The following FES variants were observed in gnomAD, a reference collection of about 807,000 sequenced individuals.
FES encodes FES proto-oncogene, tyrosine kinase, also known as tyrosine-protein kinase Fes/Fps.
FES carries 83 observed loss-of-function variants against 109.6 expected under a neutral mutation model. That is an observed-to-expected ratio of 0.76 (90% confidence interval 0.63 to 0.91). The LOEUF is 0.91. Among genes scored for constraint, FES ranks in the 40% least tolerant of loss-of-function variants. The probability of loss-of-function intolerance (pLI) is 0.00; values close to 1 mark genes in which losing one functional copy is unlikely to be tolerated. For missense variants in FES, 943 were observed against 1,070.9 expected (o/e 0.88, Z 1.67); for synonymous variants, 458 against 442.1 (o/e 1.04, Z -0.45).
rs560847197 is a variant in FES, at chr15:90,885,354, G to A, written c.214-58G>A. On this transcript the variant is annotated intron_variant, in intron 2 of 18. Coordinates refer to ENST00000328850, the MANE Select transcript of FES (RefSeq NM_002005.4). Reference sequence around the variant, plus strand: ...GGGGCAGTGGCTGGAGATCTGGCAGGCCAATGCTTGGGAGCCATTGTGCCC... The same window carrying A: ...GGGGCAGTGGCTGGAGATCTGGCAGACCAATGCTTGGGAGCCATTGTGCCC... The A allele has an allele frequency of 2.4e-5, 39 of 1,596,906 alleles. No homozygotes were observed. In the African/African-American group the frequency reaches 4.8e-4, roughly 20 times the overall value.
At chr15:90,886,292 T>C (rs2032614986) in intron 3 of FES, among the ~76,000 whole-genome samples, 1 of 152,394 alleles carries the variant, frequency 6.6e-6, no homozygotes, top group African/African-American at 2.4e-5. Context: ...TATGCCCTTT[T>C]GTTTTCATAT....
At chr15:90,885,634 C>T (rs773572605) in intron 3 of FES, 49 bp downstream of exon 3, 2 of 1,582,598 alleles carry the variant, frequency 1.3e-6, no homozygotes, top group Non-Finnish European at 1.7e-6. Flanking sequence ...AAATTTTGAG[C>T]CTCGAAGGGG....
chr15:90,891,357 A>G, intron 11 of FES, 166 bp downstream of exon 11: 1 of 1,050,926 alleles, frequency 9.5e-7, no homozygotes, highest in Non-Finnish European at 1.4e-6. Context: ...CCTGCAACAA[A>G]ATAGAGGCTT....
intron 3 of FES, among the ~76,000 whole-genome samples, chr15:90,885,829 C>G (rs760674877): frequency 2.0e-5 from 3 of 152,154 alleles, no homozygotes; most frequent in Non-Finnish European, 2.9e-5. Flanking sequence ...GATGAGTGAC[C>G]GGTCACGTGC....
intron 5 of FES, among the ~76,000 whole-genome samples, chr15:90,888,855 G>A (rs375371166): frequency 6.6e-6 from 1 of 151,748 alleles, no homozygotes; most frequent in African/African-American, 2.4e-5. Context: ...TTGGCTCACT[G>A]CAACCTCCAC....
chr15:90,887,464 G>T, intron 5 of FES, 94 bp downstream of exon 5: 1 of 1,349,434 alleles, frequency 7.4e-7, no homozygotes, highest in South Asian at 1.5e-5. Flanking sequence ...ATCCATTGCT[G>T]GGAAGGTGCT....
chr15:90,885,139 A>C lies in FES; in HGVS notation c.94A>C (p.Lys32Gln). 3 of 1,614,016 alleles carry C rather than the reference A, an allele frequency of 1.9e-6. No individual in the cohort carries two copies. The highest frequency in any genetic ancestry group is 2.5e-6 in the Non-Finnish European group (3 of 1,180,022). Residue 32 changes from lysine (K) to glutamine (Q), a missense_variant, in exon 2 of 19, where the codon AAG (lysine) becomes CAG (glutamine). Transcript: ENST00000328850. ...GCTTCGTCTACTGGAGGGCATGAGA[A>C]AGTGGATGGCCCAGCGGGTCAAGAG... Reference protein sequence around the residue: ...AELRLLEGMRKWMAQRVKSDR... With the variant: ...AELRLLEGMRQWMAQRVKSDR...
At position 90,890,200 on chromosome 15, in the gene FES, C is replaced by T; in HGVS notation, c.1158C>T (p.Thr386=). The part of the protein sequence containing the change: ...KLQAQQELLQ[T]KLEHLGPGEP... The stretch of plus-strand genomic sequence containing the variant: ...AGGCCCAGCAGGAGTTGCTGCAGAC[C>T]AAGCTGGAGCACCTGGGCCCCGGCG... The change falls in exon 9 of 19, where the codon ACC becomes ACT. Residue 386 remains threonine, a synonymous_variant. Coordinates refer to ENST00000328850, the MANE Select transcript of FES (RefSeq NM_002005.4). The T allele has an allele frequency of 6.2e-7, 1 of 1,601,916 alleles. No homozygotes were observed. The highest frequency in any genetic ancestry group is 2.2e-5 in the East Asian group (1 of 44,754).
chr15:90,885,825 T>A (rs2032555406), intron 3 of FES, among the ~76,000 whole-genome samples: 1 of 152,072 alleles, frequency 6.6e-6, no homozygotes, highest in Non-Finnish European at 1.5e-5. Context: ...TAAGGATGAG[T>A]GACCGGTCAC....
rs774699246 is a variant in FES at position 90,889,236 on chromosome 15, C to A, written c.669-70C>A. On this transcript the variant is annotated intron_variant, in intron 5 of 18. Transcript: ENST00000328850. This position sits in a 1 kb window ranked among gnomAD's most constrained non-coding sequence, Gnocchi z 6.1. Reference sequence around the variant, plus strand: ...CCAGCCCTGACTCCAAACCCAGGGTCCTAGGCCTGAACTGCCCAGCCTTGC... The same window carrying A: ...CCAGCCCTGACTCCAAACCCAGGGTACTAGGCCTGAACTGCCCAGCCTTGC... The A allele has an allele frequency of 2.8e-5, 44 of 1,588,210 alleles. No homozygotes were observed. The highest frequency in any genetic ancestry group is 3.5e-5 in the Non-Finnish European group (41 of 1,167,766).
rs1378976563 is a variant in FES, at chr15:90,885,236, G to T, written c.191G>T (p.Ser64Ile). 2.5e-6 allele frequency: 4 copies of T among 1,612,844 alleles called. No homozygotes were observed. Among genetic ancestry groups the T allele is most frequent in the Middle Eastern group, 1.6e-4 (1 of 6,082 alleles). ...AGTGGGGGCCAGAGCCGGGCCATCA[G>T]CCCTGACAGCCCCATCAGTCAGGTG... ...QDSGGQSRAI[S>I]PDSPISQSWA... Residue 64 changes from serine to isoleucine, a missense_variant, in exon 2 of 19, where the codon AGC becomes ATC. Coordinates refer to ENST00000328850, the MANE Select transcript of FES (RefSeq NM_002005.4).
Position 90,893,959 on chromosome 15 carries a change from G to A in FES, c.2227G>A (p.Val743Met), listed in dbSNP as rs777940619. 18 of 1,613,704 alleles carry A rather than the reference G, an allele frequency of 1.1e-5. No homozygotes were observed. Among genetic ancestry groups the A allele is most frequent in the Admixed American group, 1.0e-4 (6 of 60,000 alleles). Residue 743 changes from valine to methionine, a missense_variant, in exon 18 of 19, where the codon GTG (valine) becomes ATG (methionine). Transcript: ENST00000328850. ...AGGCCGCTACTCCTCCGAAAGCGAC[G>A]TGTGGAGCTTTGGCATCTTGCTCTG... is the stretch of plus-strand genomic sequence containing the variant. Reference protein sequence around the residue: ...NYGRYSSESDVWSFGILLWET... With the variant: ...NYGRYSSESDMWSFGILLWET...
chr15:90,892,130 G>T lies in FES; in HGVS notation c.1707+19G>T. The T allele has an allele frequency of 6.2e-7, 1 of 1,613,794 alleles. No individual in the cohort carries two copies. The highest frequency in any genetic ancestry group is 8.5e-7 in the Non-Finnish European group (1 of 1,179,918). On this transcript the variant is annotated intron_variant, in intron 13 of 18. Coordinates refer to ENST00000328850, the MANE Select transcript of FES (RefSeq NM_002005.4). The stretch of plus-strand genomic sequence containing the variant: ...TGGACGGGTGAGTGCGCCTCTGCTG[G>T]CCTCCTTGTCGCTGGCGACTTCTCC...
In FES at chr15:90,891,208, C is replaced by A. The variant is rs1372668161; in HGVS notation, c.1530+17C>A. 11 of 1,548,312 alleles carry A rather than the reference C, an allele frequency of 7.1e-6. No homozygotes were observed. The highest frequency in any genetic ancestry group is 9.6e-6 in the Non-Finnish European group (11 of 1,147,096). On this transcript the variant is annotated intron_variant, in intron 11 of 18. Transcript: ENST00000328850. The stretch of plus-strand genomic sequence containing the variant: ...TCCTTGGATGTGAGTGGGGCTGGGA[C>A]CCGAGCCTTCCAGGCCTCACTCTTC...
At chr15:90,886,012 G>A (rs1039590381) in intron 3 of FES, among the ~76,000 whole-genome samples, 2 of 152,244 alleles carry the variant, frequency 1.3e-5, no homozygotes, top group African/African-American at 4.8e-5. Flanking sequence ...GAGGATTCGG[G>A]CCGTGAAGTC....
At position 90,895,595 on chromosome 15, in the gene FES, G is replaced by A. The variant is rs2033638226; in HGVS notation, c.*37G>A. The A allele has an allele frequency of 1.3e-6, 2 of 1,502,956 alleles. No individual in the cohort carries two copies. Among genetic ancestry groups the A allele is most frequent in the East Asian group, 4.9e-5 (2 of 40,758 alleles). 93.1% of individuals were successfully genotyped at this position (1,502,956 alleles called of 1,614,324 possible). A position where few individuals can be genotyped will look rare whatever the true frequency, so the allele number is the denominator to read the frequency against. ...CCTTCTCAAGCTGGTGGCCTCTGCA[G>A]GCCTAGGTGCAGCTCCTCAGCGGCT... On this transcript the variant is annotated 3_prime_UTR_variant, in exon 19 of 19. Coordinates refer to ENST00000328850, the MANE Select transcript of FES (RefSeq NM_002005.4).
Position 90,887,285 on chromosome 15 carries a change from C to T in FES, c.583C>T (p.Leu195=). The change falls in exon 5 of 19, where the codon CTA becomes TTA. Residue 195 remains leucine, a synonymous_variant. Coordinates refer to ENST00000328850, the MANE Select transcript of FES (RefSeq NM_002005.4). ...TGTGCTGGGCGTGCGGGCTGCGCAG[C>T]TACACCACCAGCACCACCACCAGCT... is the stretch of plus-strand genomic sequence containing the variant. ...RYVLGVRAAQ[L]HHQHHHQLLL... is the part of the protein sequence containing the mutation. 6.2e-7 allele frequency: 1 copy of T among 1,613,270 alleles called. No individual in the cohort carries two copies. The highest frequency in any genetic ancestry group is 8.5e-7 in the Non-Finnish European group (1 of 1,180,040).
Position 90,885,443 on chromosome 15 carries a change from G to C in FES, c.245G>C (p.Gly82Ala), listed in dbSNP as rs985996027. 5 of 1,613,156 alleles carry C rather than the reference G, an allele frequency of 3.1e-6. No homozygotes were observed. The East Asian group carries it at 8.9e-5, about 29-fold the overall frequency. The change falls in exon 3 of 19, where the codon GGC (glycine) becomes GCC (alanine). Residue 82 changes from glycine to alanine, a missense_variant. Coordinates refer to ENST00000328850, the MANE Select transcript of FES (RefSeq NM_002005.4). The stretch of plus-strand genomic sequence containing the variant: ...GCTGAGATCACCAGCCAAACTGAGG[G>C]CCTGAGCCGCTTGCTGCGGCAGCAC... ...SWAEITSQTE[G>A]LSRLLRQHAE...
chr15:90,887,218 T>C lies in FES; in HGVS notation c.516T>C (p.Tyr172=), dbSNP rs1266964715. ...ACCGTGACAAGGCTAAGGACAAGTA[T>C]GTGCGCAGCCTGTGGAAGCTCTTTG... is the stretch of plus-strand genomic sequence containing the variant. ...DKDRDKAKDK[Y]VRSLWKLFAH... The change falls in exon 5 of 19, where the codon TAT becomes TAC. Residue 172 remains tyrosine (Y), a synonymous_variant. Coordinates refer to ENST00000328850, the MANE Select transcript of FES (RefSeq NM_002005.4). 6.2e-7 allele frequency: 1 copy of C among 1,613,634 alleles called. No homozygotes were observed. The highest frequency in any genetic ancestry group is 1.3e-5 in the African/African-American group (1 of 75,066).
Sources: allele counts gnomAD v4.1 joint callset (sites outside exome capture counted in the v4.1 genomes callset), GRCh38; gene constraint gnomAD v4.1.1; non-coding constraint Gnocchi (gnomAD v3.1); transcripts MANE v1.5; gene names NCBI Gene and HGNC (gene_info 2026-07-23, HGNC 2026-07-21).